Variants in ZFP64 observed in about 807,000 individuals in gnomAD.
The protein encoded by ZFP64 is zinc finger protein 64.
ZFP64 carries 14 observed loss-of-function variants against 51.6 expected under a neutral mutation model. The ratio of observed to expected loss-of-function variants is 0.27; its 90% CI spans 0.18 to 0.42. The LOEUF is 0.42. ZFP64 is among the 10% of genes least tolerant of loss of function. ZFP64 has a pLI of 1.00. For missense variants in ZFP64, 754 were observed against 906.8 expected, an observed-to-expected ratio of 0.83 and a Z score of 2.16; for synonymous variants, 375 against 361.4, an observed-to-expected ratio of 1.04 and a Z score of -0.43.
chr20:52,108,510 T>C (rs1978375778), intron 5 of ZFP64, among the ~76,000 whole-genome samples: 1 of 151,948 alleles, frequency 6.6e-6, no homozygotes. Context: ...TTATTACCTT[T>C]TTTTTTTTTT....
In ZFP64 at chr20:52,105,263, G is replaced by T. The variant is rs771669142; in HGVS notation, c.764-6676C>A. The T allele has an allele frequency of 6.1e-6, 8 of 1,315,744 alleles. No homozygotes were observed. The African/African-American group carries it at 1.1e-4, about 18-fold the overall frequency. 81.5% of individuals were successfully genotyped at this position (1,315,744 alleles called of 1,614,324 possible). ...GGCGCGAGGACCGGGCTCCCCGCGC[G>T]TCCCTAGGAGTGGCCTACTTCACAC... On this transcript the variant is annotated intron_variant, in intron 5 of 8. Coordinates refer to the ZFP64 transcript ENST00000361387.
At chr20:52,144,998 G>A (rs553833637) in intron 5 of ZFP64, among the ~76,000 whole-genome samples, 1 of 152,114 alleles carries the variant, frequency 6.6e-6, no homozygotes, top group Non-Finnish European at 1.5e-5. Flanking sequence ...CAGTGAAAAA[G>A]AGTATCAGCC....
chr20:52,089,061 A>T (rs2078894678), intron 7 of ZFP64: 1 of 519,362 alleles, frequency 1.9e-6, no homozygotes, highest in African/African-American at 1.9e-5. Context: ...CTGTTGGTCA[A>T]AGGGTGCTGA....
At chr20:52,100,522 A>G (rs1220388731) in intron 5 of ZFP64, among the ~76,000 whole-genome samples, 5 of 152,192 alleles carry the variant, frequency 3.3e-5, no homozygotes, top group African/African-American at 1.2e-4. Context: ...CTGGGACTAT[A>G]GCCACGAGCC....
intron 5 of ZFP64, among the ~76,000 whole-genome samples, chr20:52,120,733 G>A (rs149190292): frequency 7.7e-6 from 1 of 129,624 alleles, no homozygotes; most frequent in African/African-American, 3.0e-5. Context: ...CTGGAGTGCA[G>A]TGGCGTGATC....
chr20:52,127,714 AG>A (rs1335267594), intron 5 of ZFP64, among the ~76,000 whole-genome samples: 5 of 152,218 alleles, frequency 3.3e-5, no homozygotes, highest in Non-Finnish European at 4.4e-5. Context: ...ACAAGAAGAC[AG>A]GATGGGAAGA....
At chr20:52,131,870 A>C (rs1979739981) in intron 5 of ZFP64, among the ~76,000 whole-genome samples, 1 of 152,212 alleles carries the variant, frequency 6.6e-6, no homozygotes, top group Admixed American at 6.5e-5. Flanking sequence ...GACTAAATGG[A>C]TCTAGTAGAT....
chr20:52,087,914 C>T (rs955766589), intron 8 of ZFP64, among the ~76,000 whole-genome samples: 2 of 152,188 alleles, frequency 1.3e-5, no homozygotes, highest in African/African-American at 2.4e-5. Context: ...AACTTATGAG[C>T]ATCTTTATGA....
chr20:52,171,983 G>A (rs115323051), intron 2 of ZFP64, among the ~76,000 whole-genome samples: 1 of 152,182 alleles, frequency 6.6e-6, no homozygotes, highest in African/African-American at 2.4e-5. Flanking sequence ...CCTGCCTCAG[G>A]TGATGTGCCC....
chr20:52,096,992 A>T lies in ZFP64; in HGVS notation c.976+381T>A, dbSNP rs188072126. 7.3e-6 allele frequency: 4 copies of T among 547,324 alleles called. No individual in the cohort carries two copies. The East Asian group carries it at 1.9e-4, about 26-fold the overall frequency. 33.9% of individuals were successfully genotyped at this position (547,324 alleles called of 1,614,324 possible). A position where few individuals can be genotyped will look rare whatever the true frequency, so the allele number is the denominator to read the frequency against. On this transcript the variant is annotated intron_variant, in intron 7 of 8. Coordinates refer to the ZFP64 transcript ENST00000361387. Reference sequence around the variant, plus strand: ...GGCCAGAAAGCTGCAAGCAATAGGTAAATGAAGGAGCATGCCAACAGGCTG... The same window carrying T: ...GGCCAGAAAGCTGCAAGCAATAGGTTAATGAAGGAGCATGCCAACAGGCTG...
downstream of ZFP64, among the ~76,000 whole-genome samples, chr20:52,146,434 A>G (rs956277213): frequency 7.2e-5 from 11 of 151,830 alleles, no homozygotes; most frequent in African/African-American, 2.7e-4. Context: ...TTGTAGGGAC[A>G]TGGATGAAAT....
intron 7 of ZFP64, among the ~76,000 whole-genome samples, chr20:52,095,968 A>G (rs2078984261): frequency 6.6e-6 from 1 of 152,218 alleles, no homozygotes; most frequent in Non-Finnish European, 1.5e-5. Flanking sequence ...CTGAATCTGC[A>G]TGCTTTCACT....
rs1555809447 is a variant in ZFP64 at position 52,171,752 on chromosome 20, A to ATTTC, written c.287-5728_287-5727insGAAA. Among the ~76,000 whole-genome samples the ATTTC allele has an allele frequency of 3.9e-3, 182 of 46,302 alleles. 1 individual carries two copies. Among genetic ancestry groups the ATTTC allele is most frequent in the Middle Eastern group, 0.019 (1 of 52 alleles). 30.4% of individuals were successfully genotyped at this position (46,302 alleles called of 152,430 possible). A position where few individuals can be genotyped will look rare whatever the true frequency, so the allele number is the denominator to read the frequency against. ...TGATCTGCCTGCCTCGGCCTCCCCA[A>ATTTC]TTTTTTTTTTTTTGAGATGCAGTCT... On this transcript the variant is annotated intron_variant, in intron 2 of 5. Transcript: ENST00000216923.
At chr20:52,122,251 A>G (rs1979222604) in intron 5 of ZFP64, among the ~76,000 whole-genome samples, 1 of 152,168 alleles carries the variant, frequency 6.6e-6, no homozygotes, top group South Asian at 2.1e-4. Flanking sequence ...TCACGCCTGT[A>G]ATCCTAGCAC....
At chr20:52,107,638 G>T (rs924100091) in intron 5 of ZFP64, among the ~76,000 whole-genome samples, 1 of 152,134 alleles carries the variant, frequency 6.6e-6, no homozygotes, top group Non-Finnish European at 1.5e-5. Context: ...AATCTTCCAA[G>T]AATAACTTTT....
Position 52,153,080 on chromosome 20 carries a change from A to G in ZFP64, c.1112T>C (p.Phe371Ser). ...HERIHCTDRP[F>S]KCNYCSFDTK... ...GTCGAAGCTGCAGTAGTTGCACTTG[A>G]AAGGGCGGTCGGTGCAGTGGATACG... is the stretch of plus-strand genomic sequence containing the variant. Residue 371 changes from phenylalanine to serine, a missense_variant, in exon 6 of 6, where the codon TTC (phenylalanine) becomes TCC (serine). By Grantham distance (155) the Phe-to-Ser change is radical. Transcript: ENST00000216923. This position sits in a 1 kb window ranked among gnomAD's most constrained non-coding sequence, Gnocchi z 5.1. 1 of 1,614,106 alleles carries G rather than the reference A, an allele frequency of 6.2e-7. No individual in the cohort carries two copies. The highest frequency in any genetic ancestry group is 8.5e-7 in the Non-Finnish European group (1 of 1,180,028).
chr20:52,116,855 AG>A (rs1387640944), intron 5 of ZFP64, among the ~76,000 whole-genome samples: 10 of 152,308 alleles, frequency 6.6e-5, no homozygotes, highest in Admixed American at 6.5e-4. Flanking sequence ...AGATCACCTG[AG>A]GTCAAGAGAT....
chr20:52,090,927 C>CAAAAAAAAAA (rs797006213), intron 7 of ZFP64, among the ~76,000 whole-genome samples: 2 of 68,076 alleles, frequency 2.9e-5, no homozygotes, highest in Non-Finnish European at 2.7e-5. Flanking sequence ...CTGACTCTAC[C>CAAAAAAAAAA]AAAAAAAAAA....
intron 5 of ZFP64, chr20:52,110,797 T>G: frequency 6.3e-7 from 1 of 1,594,342 alleles, no homozygotes; most frequent in Non-Finnish European, 8.6e-7. Context: ...GTAGCTCTCT[T>G]TGAGCAGCTT....
Sources: gnomAD v4.1 joint callset for allele counts (sites outside exome capture counted in the v4.1 genomes callset) on GRCh38, gnomAD v4.1.1 for gene constraint, Gnocchi (gnomAD v3.1) non-coding constraint, MANE v1.5 for transcripts, NCBI Gene and HGNC (gene_info 2026-07-23, HGNC 2026-07-21) for gene names.